The following DSP variants were observed in gnomAD, a reference collection of about 807,000 sequenced individuals.
The protein encoded by DSP is desmoplakin.
DSP carries 114 observed loss-of-function variants against 290.6 expected under a neutral mutation model. The observed-to-expected ratio is 0.39, with a 90% CI of 0.34 to 0.46. DSP has a LOEUF of 0.46. DSP is among the 20% of genes least tolerant of loss of function. The pLI is 0.99. For synonymous variants in DSP, 1,311 were observed against 1,316.4 expected, an observed-to-expected ratio of 1.00 and a Z score of 0.09; for missense variants, 3,230 against 3,495.8, an observed-to-expected ratio of 0.92 and a Z score of 1.92.
In DSP at chr6:7,577,150, G is replaced by A. The variant is rs776314240; in HGVS notation, c.2877+108G>A. The A allele has an allele frequency of 2.6e-5, 21 of 815,374 alleles. No homozygotes were observed. In the East Asian group the frequency reaches 3.8e-4, roughly 15 times the overall value. The allele number at this position is 815,374 out of a possible 1,614,324, so 50.5% of individuals were successfully genotyped here. A position where few individuals can be genotyped will look rare whatever the true frequency, so the allele number is the denominator to read the frequency against. ...TACACTTCCTGAGGATAGCAATTACGGTCTGTATATATTCTTTTCTGAACA... is the reference window on the plus strand; with the variant it reads ...TACACTTCCTGAGGATAGCAATTACAGTCTGTATATATTCTTTTCTGAACA... On this transcript the variant is annotated intron_variant, in intron 20 of 23. Coordinates refer to ENST00000379802, the MANE Select transcript of DSP (RefSeq NM_004415.4).
In DSP at chr6:7,576,812, A is replaced by C. The variant is rs549288210; in HGVS notation, c.2794-147A>C. On this transcript the variant is annotated intron_variant, in intron 19 of 23. Coordinates refer to ENST00000379802, the MANE Select transcript of DSP (RefSeq NM_004415.4). ...TGAATGGAAAAAATGCTCATCTCCT[A>C]AGCTGTAACTATAAAAATATGAGAC... The C allele has an allele frequency of 1.6e-5, 12 of 767,200 alleles. No homozygotes were observed. In the East Asian group the frequency reaches 3.0e-4, roughly 19 times the overall value. 47.5% of individuals were successfully genotyped at this position (767,200 alleles called of 1,614,324 possible). A position where few individuals can be genotyped will look rare whatever the true frequency, so the allele number is the denominator to read the frequency against.
In DSP at chr6:7,582,938, G is replaced by A; in HGVS notation, c.5676G>A (p.Lys1892=). 6.2e-7 allele frequency: 1 copy of A among 1,614,022 alleles called. No homozygotes were observed. The highest frequency in any genetic ancestry group is 1.1e-5 in the South Asian group (1 of 91,086). Residue 1892 remains lysine (K), a synonymous_variant, in exon 24 of 24, where the codon AAG becomes AAA. Coordinates refer to ENST00000379802, the MANE Select transcript of DSP (RefSeq NM_004415.4). This position sits in a 1 kb window ranked among gnomAD's most constrained non-coding sequence, Gnocchi z 4.2. ...AAAGAGAAAAGAGTGAGAGAGAGAA[G>A]AACAGTCTTAGGAGTGAGATCGAAA... ...ESEREKSERE[K]NSLRSEIERL...
chr6:7,585,494 G>T lies in DSP; in HGVS notation c.8232G>T (p.Arg2744Ser). 2.5e-6 allele frequency: 4 copies of T among 1,614,178 alleles called. No individual in the cohort carries two copies. The highest frequency in any genetic ancestry group is 2.5e-6 in the Non-Finnish European group (3 of 1,180,030). ...TTGTTGACCCGGAAGTGCATGGGAG[G>T]ATAAGCACCGAAGAAGCCATCCGGA... ...GGLVDPEVHG[R>S]ISTEEAIRKG... The change falls in exon 24 of 24, where the codon AGG (arginine) becomes AGT (serine). Residue 2744 changes from arginine (R) to serine (S), a missense_variant. Physicochemically the swap from Arg to Ser is moderately radical, Grantham distance 110. Coordinates refer to ENST00000379802, the MANE Select transcript of DSP (RefSeq NM_004415.4).
At position 7,568,444 on chromosome 6, in the gene DSP, G is replaced by T. The variant is rs397516916; in HGVS notation, c.1274G>T (p.Arg425Leu). The T allele has an allele frequency of 6.2e-7, 1 of 1,614,016 alleles. No homozygotes were observed. Among genetic ancestry groups the T allele is most frequent in the Non-Finnish European group, 8.5e-7 (1 of 1,180,010 alleles). Reference sequence around the variant, plus strand: ...TTTTATTCACCATTGCAGAAAGAACGAGAGAAAATCCTTGAATACAAGCGT... The same window carrying T: ...TTTTATTCACCATTGCAGAAAGAACTAGAGAAAATCCTTGAATACAAGCGT... ...LEQIKELEKE[R>L]EKILEYKRQV... The change falls in exon 11 of 24, where the codon CGA becomes CTA. Residue 425 changes from arginine (R) to leucine (L), a missense_variant. Transcript: ENST00000379802.
chr6:7,545,390 C>G (rs745451470), intron 1 of DSP, among the ~76,000 whole-genome samples: 6 of 152,140 alleles, frequency 3.9e-5, no homozygotes, highest in Non-Finnish European at 7.4e-5. Flanking sequence ...GAGGACGTGC[C>G]GAAGATCCTA....
intron 4 of DSP, among the ~76,000 whole-genome samples, chr6:7,560,931 A>G (rs942835789): frequency 1.3e-5 from 2 of 151,032 alleles, no homozygotes; most frequent in East Asian, 3.9e-4. Flanking sequence ...GTATTACCAC[A>G]TGAATTCAGT....
intron 1 of DSP, among the ~76,000 whole-genome samples, chr6:7,551,601 G>T (rs1360823288): frequency 2.0e-5 from 3 of 151,592 alleles, no homozygotes; most frequent in African/African-American, 4.9e-5. Context: ...CTGCACTCCA[G>T]CCTGGGCGAC....
intron 9 of DSP, 22 bp from the exon 10 acceptor site, chr6:7,567,759 T>G (rs751299632): frequency 6.2e-7 from 1 of 1,613,860 alleles, no homozygotes. Flanking sequence ...GTTCATTCAC[T>G]GATCACTCTC....
intron 1 of DSP, among the ~76,000 whole-genome samples, chr6:7,542,419 G>A (rs1043981826): frequency 4.3e-4 from 66 of 152,288 alleles, no homozygotes; most frequent in African/African-American, 1.5e-3. Context: ...CCCGCGAATG[G>A]GAGGTCAGGC....
In DSP at chr6:7,567,793, G is replaced by A; in HGVS notation, c.1153G>A (p.Ala385Thr). 6.2e-7 allele frequency: 1 copy of A among 1,613,910 alleles called. No homozygotes were observed. Among genetic ancestry groups the A allele is most frequent in the Non-Finnish European group, 8.5e-7 (1 of 1,179,930 alleles). Residue 385 changes from alanine (A) to threonine (T), a missense_variant, in exon 10 of 24, where the codon GCG (alanine) becomes ACG (threonine). Ala to Thr is a moderately conservative substitution (Grantham distance 58). Around this residue, in one of 5 missense-constraint regions of DSP, gnomAD observed 646 missense variants for 684.3 expected, o/e 0.94. Coordinates refer to ENST00000379802, the MANE Select transcript of DSP (RefSeq NM_004415.4). ...NAAYFQFFEE[A>T]QSTEAYLKGL... Reference sequence around the variant, plus strand: ...TCATCCTTCACAGTTTTTTGAAGAGGCGCAGTCTACTGAAGCATACCTGAA... The same window carrying A: ...TCATCCTTCACAGTTTTTTGAAGAGACGCAGTCTACTGAAGCATACCTGAA...
rs10658102 is a variant in DSP, at chr6:7,554,082, AACACACACACACAC to A, written c.171-1605_171-1592del. Among the ~76,000 whole-genome samples the A allele has an allele frequency of 3.8e-4, 44 of 115,946 alleles. 1 individual carries two copies. In the East Asian group the frequency reaches 9.6e-3, roughly 25 times the overall value. The allele number at this position is 115,946 out of a possible 152,430, so 76.1% of individuals were successfully genotyped here. ...TTAAACAGTGAAATTCTTTCTTTAA[AACACACACACACAC>A]ACACACACACACACACACACACACA... is the stretch of plus-strand genomic sequence containing the variant. On this transcript the variant is annotated intron_variant, in intron 1 of 23. Coordinates refer to ENST00000379802, the MANE Select transcript of DSP (RefSeq NM_004415.4).
At chr6:7,578,217 A>C (rs1047646611) in intron 21 of DSP, among the ~76,000 whole-genome samples, 1 of 152,252 alleles carries the variant, frequency 6.6e-6, no homozygotes. Flanking sequence ...GCCTCTTCTC[A>C]AAGATGTCAG....
At position 7,584,753 on chromosome 6, in the gene DSP, T is replaced by G; in HGVS notation, c.7491T>G (p.Cys2497Trp). The G allele has an allele frequency of 6.2e-7, 1 of 1,614,188 alleles. No individual in the cohort carries two copies. Among genetic ancestry groups the G allele is most frequent in the Non-Finnish European group, 8.5e-7 (1 of 1,180,036 alleles). ...LIDYETFKELCEQECEWEEIT... is the reference protein window; with the variant it reads ...LIDYETFKELWEQECEWEEIT... ...ATTATGAAACCTTCAAAGAACTGTG[T>G]GAGCAGGAATGTGAATGGGAAGAAA... is the stretch of plus-strand genomic sequence containing the variant. The change falls in exon 24 of 24, where the codon TGT (cysteine) becomes TGG (tryptophan). Residue 2497 changes from cysteine to tryptophan, a missense_variant. Coordinates refer to ENST00000379802, the MANE Select transcript of DSP (RefSeq NM_004415.4). This position sits in a 1 kb window ranked among gnomAD's most constrained non-coding sequence, Gnocchi z 6.4.
At chr6:7,558,507 CTTTTTTT>C (rs145193988) in intron 3 of DSP, among the ~76,000 whole-genome samples, 1 of 104,516 alleles carries the variant, frequency 9.6e-6, no homozygotes, top group African/African-American at 3.8e-5. Context: ...TGGCATTTGA[CTTTTTTT>C]TTTTTTTTTT....
chr6:7,578,772 A>G (rs1376163930), intron 22 of DSP, among the ~76,000 whole-genome samples: 1 of 152,218 alleles, frequency 6.6e-6, no homozygotes, highest in African/African-American at 2.4e-5. Flanking sequence ...TAGTCATAAT[A>G]TTGCAACAAC....
chr6:7,548,832 C>T (rs1308579936), intron 1 of DSP, among the ~76,000 whole-genome samples: 1 of 152,150 alleles, frequency 6.6e-6, no homozygotes, highest in Non-Finnish European at 1.5e-5. Flanking sequence ...CCATAATACC[C>T]TCAGATGGGT....
rs1430290356 is a variant in DSP, at chr6:7,583,081, A to T, written c.5819A>T (p.Asp1940Val). ...TERSRYQREI[D>V]KLRQRPYGSH... ...CGCTCCCGATATCAGAGGGAGATTG[A>T]TAAACTCAGACAGCGCCCATATGGG... is the stretch of plus-strand genomic sequence containing the variant. The change falls in exon 24 of 24, where the codon GAT (aspartate) becomes GTT (valine). Residue 1940 changes from aspartate to valine, a missense_variant. Physicochemically the swap from Asp to Val is radical, Grantham distance 152 (BLOSUM62 -3). Around this residue, in one of 5 missense-constraint regions of DSP, gnomAD observed 1,714 missense variants for 1,844.5 expected, o/e 0.93. Coordinates refer to ENST00000379802, the MANE Select transcript of DSP (RefSeq NM_004415.4). This position sits in a 1 kb window ranked among gnomAD's most constrained non-coding sequence, Gnocchi z 4.0. 1.9e-6 allele frequency: 3 copies of T among 1,614,120 alleles called. No individual in the cohort carries two copies. In the South Asian group the frequency reaches 3.3e-5, roughly 18 times the overall value.
At chr6:7,545,207 G>C (rs1011167473) in intron 1 of DSP, among the ~76,000 whole-genome samples, 4 of 152,198 alleles carry the variant, frequency 2.6e-5, no homozygotes, top group African/African-American at 9.7e-5. Context: ...AGATACGTGT[G>C]ATCATTATTT....
intron 4 of DSP, 90 bp from the exon 5 acceptor site, chr6:7,562,562 A>G (rs544348398): frequency 6.3e-7 from 1 of 1,599,150 alleles, no homozygotes; most frequent in African/African-American, 1.3e-5. Context: ...CTTTGGTTCT[A>G]TCTGAAGTAA....
Sources: allele counts gnomAD v4.1 joint callset (sites outside exome capture counted in the v4.1 genomes callset), GRCh38; gene constraint gnomAD v4.1.1; regional missense constraint gnomAD v4.1.1; non-coding constraint Gnocchi (gnomAD v3.1); transcripts MANE v1.5; gene names NCBI Gene and HGNC (gene_info 2026-07-23, HGNC 2026-07-21).